IL1RAPL1: variants seen among roughly 807,000 people sequenced by gnomAD.
IL1RAPL1 encodes interleukin 1 receptor accessory protein like 1.
Under a neutral mutation model 48.4 loss-of-function variants are expected in IL1RAPL1, and 3 were observed. That is an observed-to-expected ratio of 0.06 (90% CI 0.03 to 0.16). IL1RAPL1 has a LOEUF of 0.16. Ranked by LOEUF, IL1RAPL1 falls within the 10% of genes least tolerant of loss-of-function variation. The probability of loss-of-function intolerance (pLI) is 1.00; values close to 1 mark genes in which losing one functional copy is unlikely to be tolerated. For synonymous variants in IL1RAPL1, 185 were observed against 187.7 expected, an observed-to-expected ratio of 0.99 and a Z score of 0.12; for missense variants, 349 against 530.6, an observed-to-expected ratio of 0.66 and a Z score of 3.36.
intron 2 of IL1RAPL1, among the ~76,000 whole-genome samples, chrX:28,842,915 C>G (rs1601927535): frequency 9.0e-6 from 1 of 110,884 alleles, no homozygotes; most frequent in African/African-American, 3.3e-5. Context: ...GATGACCTCT[C>G]AAGATCAATT....
intron 5 of IL1RAPL1, among the ~76,000 whole-genome samples, chrX:29,476,461 T>C (rs1934975226): frequency 1.8e-5 from 2 of 112,016 alleles, no homozygotes; most frequent in African/African-American, 6.5e-5. Context: ...TATTGTCGTG[T>C]ATTTATGTGA....
intron 5 of IL1RAPL1, among the ~76,000 whole-genome samples, chrX:29,430,298 G>T (rs1169183083): frequency 9.0e-6 from 1 of 111,160 alleles, no homozygotes; most frequent in Non-Finnish European, 1.9e-5. Context: ...GAGAGCAAGT[G>T]CTGTGGAGTA....
intron 6 of IL1RAPL1, among the ~76,000 whole-genome samples, chrX:29,883,905 C>T (rs185137184): frequency 5.4e-4 from 60 of 111,995 alleles, no homozygotes; most frequent in Admixed American, 1.4e-3. Context: ...TGAACTCAAT[C>T]GCATTGTACT....
chrX:29,375,765 A>G (rs974911538), intron 3 of IL1RAPL1, among the ~76,000 whole-genome samples: 2 of 112,252 alleles, frequency 1.8e-5, no homozygotes, highest in Non-Finnish European at 3.8e-5. Context: ...CAGAGTTTTA[A>G]TCTCTTCTTG....
chrX:29,501,530 T>C (rs1935273371), intron 5 of IL1RAPL1, among the ~76,000 whole-genome samples: 2 of 111,501 alleles, frequency 1.8e-5, no homozygotes, highest in Non-Finnish European at 1.9e-5. Flanking sequence ...CTGGATGTGA[T>C]TGGTTATCCG....
chrX:28,913,816 A>G (rs1257578299), intron 2 of IL1RAPL1, among the ~76,000 whole-genome samples: 3 of 112,208 alleles, frequency 2.7e-5, no homozygotes, highest in Non-Finnish European at 5.6e-5. Context: ...GGAACAATCT[A>G]GTTGAAGTTC....
intron 2 of IL1RAPL1, among the ~76,000 whole-genome samples, chrX:28,856,419 C>A (rs1921807531): frequency 8.9e-6 from 1 of 111,766 alleles, no homozygotes. Context: ...TATTTTGACA[C>A]AGATACACCG....
intron 1 of IL1RAPL1, among the ~76,000 whole-genome samples, chrX:28,724,949 G>GTTT (rs749264109): frequency 6.1e-5 from 5 of 81,735 alleles, no homozygotes; most frequent in Admixed American, 1.3e-4. Context: ...AACTCAATTT[G>GTTT]TTTTTTTTTT....
At chrX:29,597,048 T>C (rs1349995375) in intron 5 of IL1RAPL1, among the ~76,000 whole-genome samples, 2 of 111,757 alleles carry the variant, frequency 1.8e-5, no homozygotes, top group African/African-American at 6.5e-5. Context: ...GAGTTGTGGA[T>C]GTTAAACCAT....
chrX:29,913,242 G>A (rs1482249599), intron 6 of IL1RAPL1, among the ~76,000 whole-genome samples: 1 of 110,182 alleles, frequency 9.1e-6, no homozygotes, highest in East Asian at 2.9e-4. Flanking sequence ...TGGTAACTTT[G>A]CTTAGCCGCA....
rs751210700 is a variant in IL1RAPL1, at chrX:29,801,677, G to A, written c.779-115787G>A. Among the ~76,000 whole-genome samples, 4 of 111,885 alleles carry A rather than the reference G, an allele frequency of 3.6e-5. No homozygotes were observed. The South Asian group carries it at 1.5e-3, about 42-fold the overall frequency. On this transcript the variant is annotated intron_variant, in intron 6 of 10. Transcript: ENST00000378993. Reference sequence around the variant, plus strand: ...CTTTGCAAAATGTTACTAAGTGCTAGCATTTAGTTTGTGAAATGTTTTAAC... The same window carrying A: ...CTTTGCAAAATGTTACTAAGTGCTAACATTTAGTTTGTGAAATGTTTTAAC...
intron 3 of IL1RAPL1, among the ~76,000 whole-genome samples, chrX:29,331,926 A>T (rs1283440161): frequency 9.0e-6 from 1 of 110,544 alleles, no homozygotes; most frequent in Admixed American, 9.7e-5. Flanking sequence ...GACTATTATC[A>T]TAATTATAAG....
chrX:29,478,608 C>T (rs938303731), intron 5 of IL1RAPL1, among the ~76,000 whole-genome samples: 3 of 111,134 alleles, frequency 2.7e-5, no homozygotes, highest in African/African-American at 6.6e-5. Flanking sequence ...TCCTTATTAC[C>T]GTGGTCTTGG....
intron 1 of IL1RAPL1, among the ~76,000 whole-genome samples, chrX:28,666,047 G>C (rs1934875218): frequency 8.9e-6 from 1 of 111,884 alleles, no homozygotes; most frequent in African/African-American, 3.3e-5. Context: ...CACTCTCCAG[G>C]TTAGAGCACT....
intron 1 of IL1RAPL1, among the ~76,000 whole-genome samples, chrX:28,786,039 T>C (rs994583227): frequency 6.3e-5 from 7 of 111,723 alleles, no homozygotes; most frequent in South Asian, 7.4e-4. Context: ...AAAACTCACA[T>C]TTACCCTTCA....
At chrX:29,444,326 A>G (rs763441678) in intron 5 of IL1RAPL1, among the ~76,000 whole-genome samples, 2 of 104,441 alleles carry the variant, frequency 1.9e-5, no homozygotes, top group East Asian at 6.1e-4. Flanking sequence ...TGGGCGACAG[A>G]GTAAGACTCT....
chrX:29,878,358 T>G (rs896141373), intron 6 of IL1RAPL1, among the ~76,000 whole-genome samples: 1 of 112,294 alleles, frequency 8.9e-6, no homozygotes, highest in African/African-American at 3.2e-5. Flanking sequence ...CTTTCTTTAT[T>G]GGGAACTAGT....
At chrX:29,155,058 A>T (rs1369036755) in intron 2 of IL1RAPL1, among the ~76,000 whole-genome samples, 2 of 100,457 alleles carry the variant, frequency 2.0e-5, no homozygotes, top group Non-Finnish European at 4.0e-5. Flanking sequence ...CCCAGGCTGG[A>T]TTGCAATGGC....
rs144993921 is a variant in IL1RAPL1 at position 29,312,707 on chromosome X, G to C, written c.362+29490G>C. 8.0e-3 allele frequency among the ~76,000 whole-genome samples: 894 copies of C among 111,802 alleles called. 3 individuals carry two copies. Among genetic ancestry groups the C allele is most frequent in the Non-Finnish European group, 0.013 (680 of 53,149 alleles). ...AGTATACACCACAGAAACAGAGGCT[G>C]ATATGGTTTGGCTCTGTGTCCCACC... is the stretch of plus-strand genomic sequence containing the variant. On this transcript the variant is annotated intron_variant, in intron 3 of 10. Transcript: ENST00000378993.
Sources: gnomAD v4.1 joint callset for allele counts (sites outside exome capture counted in the v4.1 genomes callset) on GRCh38, gnomAD v4.1.1 for gene constraint, MANE v1.5 for transcripts, NCBI Gene and HGNC (gene_info 2026-07-23, HGNC 2026-07-21) for gene names.